ADK: variants seen among roughly 807,000 people sequenced by gnomAD.
ADK encodes the protein adenosine kinase, also known as N6,N6-dimethyladenosine kinase.
ADK carries 24 observed loss-of-function variants against 44.7 expected under a neutral mutation model. The observed-to-expected ratio is 0.54, with a 90% CI of 0.39 to 0.76. The LOEUF (loss-of-function observed/expected upper bound fraction) is 0.76, where lower values mean the gene tolerates loss of function less well. Ranked by LOEUF, ADK falls within the 30% of genes least tolerant of loss-of-function variation. The probability of loss-of-function intolerance (pLI) is 0.00; values close to 1 mark genes in which losing one functional copy is unlikely to be tolerated. For missense variants in ADK, 321 were observed against 425.1 expected (o/e 0.76, Z 2.15); for synonymous variants, 128 against 142.6 (o/e 0.90, Z 0.73).
intron 6 of ADK, among the ~76,000 whole-genome samples, chr10:74,489,702 T>C (rs1847404783): frequency 6.6e-6 from 1 of 151,850 alleles, no homozygotes; most frequent in Admixed American, 6.6e-5. Flanking sequence ...CTATTCCAAC[T>C]GGAATAATAT....
intron 4 of ADK, among the ~76,000 whole-genome samples, chr10:74,342,880 G>C (rs564181615): frequency 1.1e-3 from 165 of 150,340 alleles, no homozygotes; most frequent in African/African-American, 3.9e-3. Context: ...TTTTTTAGTG[G>C]GTTCTTTATG....
chr10:74,305,314 G>A (rs540399579), intron 3 of ADK, among the ~76,000 whole-genome samples: 51 of 152,192 alleles, frequency 3.4e-4, no homozygotes, highest in Non-Finnish European at 5.9e-4. Context: ...CCGTCTGACA[G>A]AGCGTTTGCT....
At chr10:74,362,121 A>T (rs1258724703) in intron 4 of ADK, among the ~76,000 whole-genome samples, 1 of 151,968 alleles carries the variant, frequency 6.6e-6, no homozygotes, top group Non-Finnish European at 1.5e-5. Context: ...CAGGTATGGA[A>T]AGTTTTCTGT....
intron 4 of ADK, among the ~76,000 whole-genome samples, chr10:74,324,914 A>G (rs1259246167): frequency 6.6e-6 from 1 of 152,162 alleles, no homozygotes; most frequent in African/African-American, 2.4e-5. Flanking sequence ...TTTGTAATAT[A>G]TTTTGAAGTC....
At chr10:74,612,803 A>G (rs1227913109) in intron 9 of ADK, among the ~76,000 whole-genome samples, 5 of 152,036 alleles carry the variant, frequency 3.3e-5, no homozygotes, top group African/African-American at 1.2e-4. Flanking sequence ...TAATTTTTGT[A>G]TATGGTGAGA....
At chr10:74,574,393 T>A (rs1357458249) in intron 7 of ADK, among the ~76,000 whole-genome samples, 1 of 152,084 alleles carries the variant, frequency 6.6e-6, no homozygotes, top group Admixed American at 6.5e-5. Context: ...ATGGTCTCGC[T>A]CTCTTGACCT....
At chr10:74,198,726 T>C (rs891976034) in intron 1 of ADK, among the ~76,000 whole-genome samples, 1 of 152,236 alleles carries the variant, frequency 6.6e-6, no homozygotes, top group East Asian at 1.9e-4. Context: ...GTTTAAGGCA[T>C]CACTTGTGGT....
chr10:74,686,389 G>T (rs140619296), intron 10 of ADK, among the ~76,000 whole-genome samples: 1 of 152,244 alleles, frequency 6.6e-6, no homozygotes, highest in East Asian at 1.9e-4. Flanking sequence ...ACTTTAAGAG[G>T]TGATTAGGCC....
At chr10:74,418,027 C>T (rs1028606543) in intron 6 of ADK, among the ~76,000 whole-genome samples, 3 of 152,048 alleles carry the variant, frequency 2.0e-5, no homozygotes, top group African/African-American at 7.2e-5. Flanking sequence ...AGGAAAGAAA[C>T]AGCTAAAAGA....
chr10:74,205,309 A>AT (rs1207880520), intron 2 of ADK, among the ~76,000 whole-genome samples: 1 of 152,176 alleles, frequency 6.6e-6, no homozygotes, highest in African/African-American at 2.4e-5. Context: ...ACTTACCCAC[A>AT]TTATCACTCT....
chr10:74,607,831 A>G (rs1323531221), intron 9 of ADK, among the ~76,000 whole-genome samples: 1 of 151,226 alleles, frequency 6.6e-6, no homozygotes, highest in African/African-American at 2.4e-5. Flanking sequence ...AGTGTTTTCC[A>G]ACTTGGTTCC....
At chr10:74,281,258 A>G (rs7096664) in intron 3 of ADK, among the ~76,000 whole-genome samples, 97,992 of 152,130 alleles carry the variant, frequency 0.64, 32,908 homozygotes, top group Middle Eastern at 0.79. Flanking sequence ...CATGTGCTTT[A>G]TGGGAAGTTG....
At chr10:74,615,519 T>C (rs1852720122) in intron 9 of ADK, among the ~76,000 whole-genome samples, 1 of 152,198 alleles carries the variant, frequency 6.6e-6, no homozygotes, top group Admixed American at 6.5e-5. Flanking sequence ...ACTCCCCCAA[T>C]TTTATGAGAC....
chr10:74,514,388 C>T (rs1371951847), intron 6 of ADK, among the ~76,000 whole-genome samples: 1 of 151,810 alleles, frequency 6.6e-6, no homozygotes, highest in Non-Finnish European at 1.5e-5. Context: ...TTTCCCTTCA[C>T]CTTCTGGAGA....
In ADK at chr10:74,597,859, C is replaced by A. The variant is rs1851975516; in HGVS notation, c.763-2520C>A. On this transcript the variant is annotated intron_variant, in intron 8 of 10. Coordinates refer to ENST00000539909, the MANE Select transcript of ADK (RefSeq NM_006721.4). ...CTATGGAAACATTCTATTTTATCCACTAATTTTAGCATCACTAAACTAATC... is the reference window on the plus strand; with the variant it reads ...CTATGGAAACATTCTATTTTATCCAATAATTTTAGCATCACTAAACTAATC... 2.6e-5 allele frequency among the ~76,000 whole-genome samples: 4 copies of A among 152,150 alleles called. 1 individual carries two copies. The South Asian group carries it at 8.3e-4, about 32-fold the overall frequency.
At chr10:74,365,598 A>G (rs1179916673) in intron 4 of ADK, among the ~76,000 whole-genome samples, 1 of 152,164 alleles carries the variant, frequency 6.6e-6, no homozygotes, top group Non-Finnish European at 1.5e-5. Flanking sequence ...AGGTTTTCCT[A>G]AGTATAAGAT....
intron 8 of ADK, among the ~76,000 whole-genome samples, chr10:74,595,711 ATG>A: frequency 7.1e-3 from 1 of 140 alleles, no homozygotes; most frequent in Non-Finnish European, 0.017. Context: ...AATAGGCTAT[ATG>A]GCCGGGTGTG....
At chr10:74,286,820 A>G (rs1312727484) in intron 3 of ADK, among the ~76,000 whole-genome samples, 1 of 152,180 alleles carries the variant, frequency 6.6e-6, no homozygotes, top group Non-Finnish European at 1.5e-5. Flanking sequence ...GCTCACAAGA[A>G]TACTACCATG....
At chr10:74,477,749 T>C (rs1846912182) in intron 6 of ADK, among the ~76,000 whole-genome samples, 1 of 152,198 alleles carries the variant, frequency 6.6e-6, no homozygotes, top group African/African-American at 2.4e-5. Context: ...CCGAGATTTA[T>C]AACATTTATA....
Sources: allele counts gnomAD v4.1 joint callset (sites outside exome capture counted in the v4.1 genomes callset), GRCh38; gene constraint gnomAD v4.1.1; transcripts MANE v1.5; gene names NCBI Gene and HGNC (gene_info 2026-07-23, HGNC 2026-07-21).